The following CEP164 variants were observed in gnomAD, a reference collection of about 807,000 sequenced individuals.
CEP164 encodes the protein centrosomal protein 164, also known as centrosomal protein of 164 kDa.
Under a neutral mutation model 182.7 loss-of-function variants are expected in CEP164, and 162 were observed. The ratio of observed to expected loss-of-function variants is 0.89; its 90% confidence interval spans 0.78 to 1.01. CEP164 has a LOEUF of 1.01. Ranked by LOEUF, CEP164 falls within the 50% of genes least tolerant of loss-of-function variation. CEP164 has a pLI of 0.00. For missense variants in CEP164, 1,735 were observed against 1,790.4 expected (o/e 0.97, Z 0.56); for synonymous variants, 661 against 690.0 (o/e 0.96, Z 0.66).
chr11:117,395,776 G>C lies in CEP164; in HGVS notation c.3089+54G>C, dbSNP rs1592394219. 4 of 1,550,454 alleles carry C rather than the reference G, an allele frequency of 2.6e-6. No individual in the cohort carries two copies. The African/African-American group carries it at 5.5e-5, about 21-fold the overall frequency. ...GCTGGCTGCCTCCTGCCTGCCCTCT[G>C]ACCTCTGCTGCTTGTGTCATGGCCC... is the stretch of plus-strand genomic sequence containing the variant. On this transcript the variant is annotated intron_variant, in intron 24 of 32. Transcript: ENST00000278935.
intron 4 of CEP164, among the ~76,000 whole-genome samples, chr11:117,345,391 A>T (rs1446750842): frequency 6.6e-6 from 1 of 152,096 alleles, no homozygotes; most frequent in African/African-American, 2.4e-5. Context: ...TGCTCTTCCT[A>T]ATCACATGCA....
intron 1 of CEP164, among the ~76,000 whole-genome samples, chr11:117,329,263 GA>G: frequency 6.6e-6 from 1 of 152,236 alleles, no homozygotes; most frequent in East Asian, 1.9e-4. Context: ...TTCTTGGCTA[GA>G]ATCGTCTATC....
rs757204424 is a variant in CEP164, at chr11:117,338,562, C to A, written c.-21-4C>A. On this transcript the variant is annotated splice_region_variant and splice_polypyrimidine_tract_variant and intron_variant, in intron 2 of 32. Coordinates refer to ENST00000278935, the MANE Select transcript of CEP164 (RefSeq NM_014956.5). The stretch of plus-strand genomic sequence containing the variant: ...CTCTTTTGGTGGGGGCCTCTGGGAT[C>A]TAGGTGTTTGAGCCCAGATGAGTCA... The A allele has an allele frequency of 1.2e-6, 2 of 1,605,084 alleles. No individual in the cohort carries two copies. Among genetic ancestry groups the A allele is most frequent in the Non-Finnish European group, 1.7e-6 (2 of 1,171,900 alleles).
chr11:117,364,571 T>C (rs2041403603), intron 8 of CEP164, among the ~76,000 whole-genome samples: 1 of 151,964 alleles, frequency 6.6e-6, no homozygotes, highest in Admixed American at 6.6e-5. Context: ...AGGGCTTTTT[T>C]TTTTTTTTTT....
At chr11:117,399,964 T>C (rs2045949838) in intron 27 of CEP164, among the ~76,000 whole-genome samples, 1 of 152,212 alleles carries the variant, frequency 6.6e-6, no homozygotes, top group African/African-American at 2.4e-5. Flanking sequence ...GTAGTTTCTT[T>C]TGCTGTGCAG....
rs2039679116 is a variant in CEP164, at chr11:117,351,892, G to A, written c.297G>A (p.Glu99=). 6.2e-7 allele frequency: 1 copy of A among 1,613,114 alleles called. No individual in the cohort carries two copies. The highest frequency in any genetic ancestry group is 1.1e-5 in the South Asian group (1 of 91,058). ...ACTATCGGAGCTTGGTGATCCAAGA[G>A]CGGGCAAAGCTGTCAACTTCTGGGG... ...DEHYRSLVIQ[E]RAKLSTSGAI... The change falls in exon 5 of 33, where the codon GAG becomes GAA. Residue 99 remains glutamate (E), a synonymous_variant. Coordinates refer to ENST00000278935, the MANE Select transcript of CEP164 (RefSeq NM_014956.5).
intron 11 of CEP164, among the ~76,000 whole-genome samples, chr11:117,376,872 A>G (rs1293531688): frequency 6.6e-6 from 1 of 152,220 alleles, no homozygotes; most frequent in Non-Finnish European, 1.5e-5. Context: ...CTTTGGCAGT[A>G]GGTGAGTGGG....
chr11:117,390,942 C>CTGCGGAGGCGACCCCAGGG (rs768968014), intron 16 of CEP164, 34 bp downstream of exon 16: 137 of 1,613,826 alleles, frequency 8.5e-5, no homozygotes, highest in Non-Finnish European at 1.1e-4. Context: ...CTGCCCAGCC[C>CTGCGGAGGCGACCCCAGGG]TGCGGAGGCG....
intron 2 of CEP164, chr11:117,336,718 C>T (rs1240317992): frequency 9.9e-6 from 7 of 708,936 alleles, no homozygotes; most frequent in Non-Finnish European, 1.8e-5. Flanking sequence ...CTGGGCCTTT[C>T]TGCTTGAAGA....
intron 11 of CEP164, 147 bp from the exon 12 acceptor site, chr11:117,380,466 TC>T: frequency 7.7e-6 from 5 of 649,030 alleles, no homozygotes; most frequent in Middle Eastern, 4.2e-4. Context: ...GTGCAGTAGA[TC>T]AACCTTCTGT....
At position 117,391,042 on chromosome 11, in the gene CEP164, G is replaced by A. The variant is rs1487442977; in HGVS notation, c.2110G>A (p.Glu704Lys). 2 of 1,614,118 alleles carry A rather than the reference G, an allele frequency of 1.2e-6. No individual in the cohort carries two copies. The highest frequency in any genetic ancestry group is 1.7e-6 in the Non-Finnish European group (2 of 1,180,030). ...CCTGCAGAAACTGAGAGAAGAGTTG[G>A]AGTCTCAACAGAAGGCTGAGAGGGC... is the stretch of plus-strand genomic sequence containing the variant. The part of the protein sequence containing the change: ...ASLQKLREEL[E>K]SQQKAERASL... The change falls in exon 17 of 33, where the codon GAG becomes AAG. Residue 704 changes from glutamate to lysine, a missense_variant. Transcript: ENST00000278935.
chr11:117,354,844 G>A (rs1168855339), intron 5 of CEP164: 1 of 1,010,666 alleles, frequency 9.9e-7, no homozygotes, highest in African/African-American at 1.7e-5. Context: ...GTGGGTTTTT[G>A]CTGAGGGCTT....
In CEP164 at chr11:117,394,355, G is replaced by C; in HGVS notation, c.2622G>C (p.Arg874Ser). The C allele has an allele frequency of 1.9e-6, 3 of 1,598,304 alleles. No individual in the cohort carries two copies. Among genetic ancestry groups the C allele is most frequent in the Non-Finnish European group, 2.6e-6 (3 of 1,172,836 alleles). The change falls in exon 21 of 33, where the codon AGG becomes AGC. Residue 874 changes from arginine (R) to serine (S), a missense_variant. Transcript: ENST00000278935. This position sits in a 1 kb window ranked among gnomAD's most constrained non-coding sequence, Gnocchi z 4.0. ...KAREQYEAEE[R>S]KQRAELLGHL... ...TGGGCCCACCCTCCTTGCAGGAGAG[G>C]AAGCAGCGGGCTGAGCTTCTGGGGC... is the stretch of plus-strand genomic sequence containing the variant.
rs76833915 is a variant in CEP164 at position 117,387,929 on chromosome 11, A to C, written c.1934+517A>C. Among the ~76,000 whole-genome samples the C allele has an allele frequency of 3.3e-3, 502 of 152,336 alleles. 3 individuals are homozygous for C. The highest frequency in any genetic ancestry group is 0.025 in the East Asian group (129 of 5,188). ...AACATACAAGTACTGGGAAGGTTGGAGCAATCTCTCATGAGTCCAGCGCAG... is the reference window on the plus strand; with the variant it reads ...AACATACAAGTACTGGGAAGGTTGGCGCAATCTCTCATGAGTCCAGCGCAG... On this transcript the variant is annotated intron_variant, in intron 15 of 32. Transcript: ENST00000278935.
At chr11:117,395,333 C>A in intron 23 of CEP164, 142 bp downstream of exon 23, 26 of 1,153,042 alleles carry the variant, frequency 2.3e-5, no homozygotes, top group Non-Finnish European at 3.2e-5. Flanking sequence ...ACAAATAGTG[C>A]CACTCTGTGG....
At chr11:117,333,453 G>A (rs2036534736) in intron 1 of CEP164, among the ~76,000 whole-genome samples, 1 of 152,090 alleles carries the variant, frequency 6.6e-6, no homozygotes, top group African/African-American at 2.4e-5. Flanking sequence ...TCTGGCCTCC[G>A]CTTTAGGGTG....
intron 20 of CEP164, among the ~76,000 whole-genome samples, chr11:117,393,538 T>C (rs1214073211): frequency 6.6e-6 from 1 of 152,154 alleles, no homozygotes; most frequent in African/African-American, 2.4e-5. Context: ...TCTACTATCA[T>C]TGTCTCCATT....
intron 1 of CEP164, among the ~76,000 whole-genome samples, chr11:117,322,763 T>A (rs1303131667): frequency 2.2e-5 from 3 of 137,458 alleles, no homozygotes; most frequent in Admixed American, 1.5e-4. Flanking sequence ...ATAGATTTTT[T>A]TTTTTTTTTT....
chr11:117,373,773 T>C lies in CEP164; in HGVS notation c.1175T>C (p.Met392Thr), dbSNP rs966432868. 5.0e-6 allele frequency: 8 copies of C among 1,614,030 alleles called. No individual in the cohort carries two copies. The highest frequency in any genetic ancestry group is 6.8e-6 in the Non-Finnish European group (8 of 1,180,014). Residue 392 changes from methionine (M) to threonine (T), a missense_variant, in exon 10 of 33, where the codon ATG (methionine) becomes ACG (threonine). Physicochemically the swap from Met to Thr is moderately conservative, Grantham distance 81. Transcript: ENST00000278935. ...CAGGAACTGGAAATTAGTGAACACA[T>C]GAAGGAACCACAGCTCTCAGACTCC... ...ASQELEISEH[M>T]KEPQLSDSIA...
Sources: gnomAD v4.1 joint callset for allele counts (sites outside exome capture counted in the v4.1 genomes callset) on GRCh38, gnomAD v4.1.1 for gene constraint, Gnocchi (gnomAD v3.1) non-coding constraint, MANE v1.5 for transcripts, NCBI Gene and HGNC (gene_info 2026-07-23, HGNC 2026-07-21) for gene names.